TMEM132B: variants seen among roughly 807,000 people sequenced by gnomAD.
TMEM132B encodes transmembrane protein 132B.
In TMEM132B, 18 loss-of-function variants were observed where a neutral mutation model predicts 90.8. That is an observed-to-expected ratio of 0.20 (90% CI 0.14 to 0.29). TMEM132B has a LOEUF of 0.29. TMEM132B is among the 10% of genes least tolerant of loss of function. TMEM132B has a pLI of 1.00. For missense variants in TMEM132B, 1,096 were observed against 1,326.8 expected (o/e 0.83, Z 2.70); for synonymous variants, 504 against 523.3 (o/e 0.96, Z 0.50).
At chr12:125,264,640 G>A (rs991705790) in intron 1 of TMEM132B, among the ~76,000 whole-genome samples, 14 of 152,234 alleles carry the variant, frequency 9.2e-5, no homozygotes, top group African/African-American at 3.4e-4. Flanking sequence ...GGAGAGTGGA[G>A]CAGCTCACAG....
At chr12:125,506,788 G>A (rs1882857108) in intron 3 of TMEM132B, among the ~76,000 whole-genome samples, 1 of 152,194 alleles carries the variant, frequency 6.6e-6, no homozygotes, top group South Asian at 2.1e-4. Context: ...GATAAGCTAA[G>A]GTATAACTGT....
chr12:125,287,916 G>C lies in TMEM132B; in HGVS notation c.68-61536G>C, dbSNP rs549479344. 2.2e-3 allele frequency among the ~76,000 whole-genome samples: 332 copies of C among 152,148 alleles called. 2 individuals carry two copies. The Middle Eastern group carries it at 0.037, about 17-fold the overall frequency. Reference sequence around the variant, plus strand: ...AGTGTCTCACTCTGTCGCCCAGGCTGGAGTGCAATGGCGCGATCTCGGCTC... The same window carrying C: ...AGTGTCTCACTCTGTCGCCCAGGCTCGAGTGCAATGGCGCGATCTCGGCTC... On this transcript the variant is annotated intron_variant, in intron 1 of 8. Transcript: ENST00000682704.
intron 5 of TMEM132B, among the ~76,000 whole-genome samples, chr12:125,595,871 C>CT (rs35903934): frequency 0.45 from 65,791 of 145,996 alleles, 16,265 homozygotes; most frequent in African/African-American, 0.67. Flanking sequence ...CTCAGGGCGG[C>CT]TTTTTTTTTT....
chr12:125,421,852 A>G lies in TMEM132B; in HGVS notation c.1106+6175A>G, dbSNP rs143944886. ...ATTTGTGAAACATGAACTGGCCTAAATTTTTCATTGTGCTGAAGGATTCTT... is the reference window on the plus strand; with the variant it reads ...ATTTGTGAAACATGAACTGGCCTAAGTTTTTCATTGTGCTGAAGGATTCTT... On this transcript the variant is annotated intron_variant, in intron 3 of 8. Coordinates refer to ENST00000682704, the MANE Select transcript of TMEM132B (RefSeq NM_001366854.1). Among the ~76,000 whole-genome samples, 1,156 of 152,364 alleles carry G rather than the reference A, an allele frequency of 7.6e-3. 16 individuals carry two copies. The highest frequency in any genetic ancestry group is 0.025 in the African/African-American group (1,054 of 41,584).
At chr12:125,369,566 C>G (rs1393285109) in intron 2 of TMEM132B, among the ~76,000 whole-genome samples, 1 of 151,954 alleles carries the variant, frequency 6.6e-6, no homozygotes, top group Non-Finnish European at 1.5e-5. Context: ...TGATAAATGA[C>G]AAAGATGAGA....
intron 4 of TMEM132B, among the ~76,000 whole-genome samples, chr12:125,572,253 G>T (rs928677201): frequency 5.9e-5 from 9 of 152,204 alleles, no homozygotes; most frequent in Non-Finnish European, 4.4e-5. Flanking sequence ...AAATCCATGC[G>T]TTGGAAACTT....
chr12:125,316,055 C>T (rs150706060), intron 1 of TMEM132B, among the ~76,000 whole-genome samples: 1 of 152,292 alleles, frequency 6.6e-6, no homozygotes, highest in East Asian at 1.9e-4. Flanking sequence ...ACTGAGTTCC[C>T]TGAATGTTCT....
intron 5 of TMEM132B, chr12:125,588,269 G>T (rs1271581812): frequency 6.6e-6 from 1 of 152,128 alleles, no homozygotes; most frequent in South Asian, 2.1e-4. Context: ...CAGTGGAAAC[G>T]TACTTTTCTA....
intron 1 of TMEM132B, among the ~76,000 whole-genome samples, chr12:125,345,633 A>G (rs1390568743): frequency 6.6e-6 from 1 of 152,162 alleles, no homozygotes; most frequent in African/African-American, 2.4e-5. Context: ...TTTGAGTCGG[A>G]GCATCCTTTA....
chr12:125,403,118 A>G (rs1879365097), intron 2 of TMEM132B, among the ~76,000 whole-genome samples: 1 of 152,190 alleles, frequency 6.6e-6, no homozygotes, highest in African/African-American at 2.4e-5. Context: ...TTAGTTGTAA[A>G]TAAGATAAAC....
Position 125,653,662 on chromosome 12 carries a change from T to A in TMEM132B, c.2204T>A (p.Leu735Ter). 1 of 1,614,182 alleles carries A rather than the reference T, an allele frequency of 6.2e-7. No individual in the cohort carries two copies. Among genetic ancestry groups the A allele is most frequent in the Non-Finnish European group, 8.5e-7 (1 of 1,180,036 alleles). Residue 735 changes from leucine (L) to a stop codon, truncating the protein, a stop_gained, in exon 9 of 9, where the codon TTG becomes TAG. Transcript: ENST00000682704. LOFTEE classifies it high-confidence loss of function. ...PKDYSVTVSS[L>*]DEMVVSVQAN... Reference sequence around the variant, plus strand: ...GATTATTCTGTTACTGTCTCATCATTGGATGAAATGGTGGTGTCTGTCCAG... The same window carrying A: ...GATTATTCTGTTACTGTCTCATCATAGGATGAAATGGTGGTGTCTGTCCAG...
At chr12:125,396,137 C>T (rs1879162241) in intron 2 of TMEM132B, among the ~76,000 whole-genome samples, 1 of 152,138 alleles carries the variant, frequency 6.6e-6, no homozygotes, top group Admixed American at 6.5e-5. Flanking sequence ...GAGTGTGGCT[C>T]CTCAATGGGA....
At chr12:125,594,405 A>G (rs573743824) in intron 5 of TMEM132B, among the ~76,000 whole-genome samples, 1 of 152,362 alleles carries the variant, frequency 6.6e-6, no homozygotes, top group Admixed American at 6.5e-5. Flanking sequence ...TCTTAGGAAC[A>G]GAAAGGTTGT....
chr12:125,286,767 A>ATG, intron 1 of TMEM132B, among the ~76,000 whole-genome samples: 1 of 151,824 alleles, frequency 6.6e-6, no homozygotes, highest in East Asian at 1.9e-4. Context: ...GCAGTGGGAC[A>ATG]ATCTTGGCTC....
intron 2 of TMEM132B, among the ~76,000 whole-genome samples, chr12:125,392,446 A>G (rs1879052530): frequency 6.6e-6 from 1 of 152,238 alleles, no homozygotes; most frequent in Non-Finnish European, 1.5e-5. Flanking sequence ...CTTTCCAGAC[A>G]TGGAAACTGG....
Position 125,654,471 on chromosome 12 carries a change from C to A in TMEM132B, c.3013C>A (p.Pro1005Thr). ...GACTTTTCATAGTCAACTACTCAGACCCTCTGACTATGTCTATGAGAAAGA... is the reference window on the plus strand; with the variant it reads ...GACTTTTCATAGTCAACTACTCAGAACCTCTGACTATGTCTATGAGAAAGA... ...QKTFHSQLLR[P>T]SDYVYEKEIK... Residue 1005 changes from proline (P) to threonine (T), a missense_variant, in exon 9 of 9, where the codon CCC (proline) becomes ACC (threonine). Pro to Thr is a conservative substitution (Grantham distance 38). Coordinates refer to ENST00000682704, the MANE Select transcript of TMEM132B (RefSeq NM_001366854.1). This position sits in a 1 kb window ranked among gnomAD's most constrained non-coding sequence, Gnocchi z 5.8. 3.1e-6 allele frequency: 5 copies of A among 1,613,776 alleles called. No individual in the cohort carries two copies. The highest frequency in any genetic ancestry group is 4.2e-6 in the Non-Finnish European group (5 of 1,180,014).
At chr12:125,355,575 T>C (rs1248449655) in intron 2 of TMEM132B, among the ~76,000 whole-genome samples, 1 of 152,182 alleles carries the variant, frequency 6.6e-6, no homozygotes, top group Non-Finnish European at 1.5e-5. Context: ...TATTGTTATA[T>C]GTTGTCTGGC....
At chr12:125,575,580 A>T (rs78304240) in intron 4 of TMEM132B, among the ~76,000 whole-genome samples, 63 of 152,098 alleles carry the variant, frequency 4.1e-4, no homozygotes, top group African/African-American at 1.5e-3. Flanking sequence ...AGTACAATTT[A>T]TCTATTTTTC....
At chr12:125,588,444 C>G (rs945352693) in intron 5 of TMEM132B, 1 of 152,276 alleles carries the variant, frequency 6.6e-6, no homozygotes, top group Non-Finnish European at 1.5e-5. Flanking sequence ...ATCCTCCCAC[C>G]TCAGCCTCCC....
Sources: allele counts gnomAD v4.1 joint callset (sites outside exome capture counted in the v4.1 genomes callset), GRCh38; gene constraint gnomAD v4.1.1; non-coding constraint Gnocchi (gnomAD v3.1); transcripts MANE v1.5; gene names NCBI Gene and HGNC (gene_info 2026-07-23, HGNC 2026-07-21).